DIS3L2: variants seen among roughly 807,000 people sequenced by gnomAD.
DIS3L2 encodes the protein DIS3-like exonuclease 2.
A neutral mutation model predicts 97.5 loss-of-function variants in DIS3L2; 34 were observed. That is an observed-to-expected ratio of 0.35 (90% CI 0.27 to 0.46). The LOEUF is 0.46. Ranked by LOEUF, DIS3L2 falls within the 20% of genes least tolerant of loss-of-function variation. The probability of loss-of-function intolerance (pLI) is 1.00; values close to 1 mark genes in which losing one functional copy is unlikely to be tolerated. For synonymous variants in DIS3L2, 435 were observed against 445.2 expected (o/e 0.98, Z 0.29); for missense variants, 1,038 against 1,146.0 (o/e 0.91, Z 1.36).
intron 6 of DIS3L2, among the ~76,000 whole-genome samples, chr2:232,106,297 C>T (rs1697356401): frequency 6.6e-6 from 1 of 152,168 alleles, no homozygotes; most frequent in African/African-American, 2.4e-5. Flanking sequence ...CTTAGTGGGG[C>T]ACTTTATGTT....
chr2:232,171,588 C>T (rs544765445), intron 9 of DIS3L2, among the ~76,000 whole-genome samples: 3 of 152,266 alleles, frequency 2.0e-5, no homozygotes, highest in African/African-American at 4.8e-5. Flanking sequence ...CTCAGTTCTT[C>T]GATGGCCAAG....
intron 1 of DIS3L2, among the ~76,000 whole-genome samples, chr2:231,983,613 A>G (rs113593932): frequency 0.018 from 2,788 of 152,260 alleles, 31 homozygotes; most frequent in Non-Finnish European, 0.021. Flanking sequence ...ATTGAGGGCC[A>G]GGCACAGTGG....
chr2:232,248,715 G>A (rs1190167643), intron 11 of DIS3L2, among the ~76,000 whole-genome samples: 1 of 152,148 alleles, frequency 6.6e-6, no homozygotes, highest in Non-Finnish European at 1.5e-5. Flanking sequence ...GATCCTTTCT[G>A]TTTTATCACT....
intron 5 of DIS3L2, among the ~76,000 whole-genome samples, chr2:232,085,855 G>A (rs1559611640): frequency 6.6e-6 from 1 of 152,024 alleles, no homozygotes; most frequent in Non-Finnish European, 1.5e-5. Flanking sequence ...CGCCCAGGCT[G>A]GAGTGCTGTG....
intron 5 of DIS3L2, among the ~76,000 whole-genome samples, chr2:232,058,950 A>G (rs1031491464): frequency 5.9e-5 from 9 of 152,206 alleles, no homozygotes; most frequent in Non-Finnish European, 1.2e-4. Context: ...AAATGGTTTT[A>G]TAACTTATGA....
In DIS3L2 at chr2:232,292,588, C is replaced by G. The variant is rs1694631381; in HGVS notation, c.1660-7452C>G. 6.6e-6 allele frequency among the ~76,000 whole-genome samples: 1 copy of G among 152,224 alleles called. No homozygotes were observed. Among genetic ancestry groups the G allele is most frequent in the South Asian group, 2.1e-4 (1 of 4,832 alleles). ...CTCACCCACGCGATTCTCTTAAGGC[C>G]AGTTTCCTGGGGGCCCCACCCTAGA... On this transcript the variant is annotated intron_variant, in intron 13 of 20. Transcript: ENST00000325385. This position sits in a 1 kb window ranked among gnomAD's most constrained non-coding sequence, Gnocchi z 4.4.
intron 5 of DIS3L2, among the ~76,000 whole-genome samples, chr2:232,074,460 A>T (rs951991891): frequency 6.6e-6 from 1 of 152,152 alleles, no homozygotes. Context: ...TCTATGTGCC[A>T]TGGATCATGG....
chr2:232,316,570 T>A (rs1695281816), intron 14 of DIS3L2, among the ~76,000 whole-genome samples: 1 of 152,138 alleles, frequency 6.6e-6, no homozygotes, highest in South Asian at 2.1e-4. Flanking sequence ...GTTAGGATTC[T>A]GTTCAATGGG....
At chr2:231,978,645 C>G (rs1483118520) in intron 1 of DIS3L2, 1 of 152,212 alleles carries the variant, frequency 6.6e-6, no homozygotes, top group African/African-American at 2.4e-5. Context: ...TCCATGCACT[C>G]CACCATCCTC....
In DIS3L2 at chr2:232,145,931, G is replaced by T. The variant is rs141252374; in HGVS notation, c.950+9212G>T. ...CCCCCCATCTATTGATAAGGAAGAGGCATACCTAAAGCACCATGACACAGC... is the reference window on the plus strand; with the variant it reads ...CCCCCCATCTATTGATAAGGAAGAGTCATACCTAAAGCACCATGACACAGC... On this transcript the variant is annotated intron_variant, in intron 8 of 20. Transcript: ENST00000325385. 1.3e-4 allele frequency among the ~76,000 whole-genome samples: 20 copies of T among 152,174 alleles called. No homozygotes were observed. In the East Asian group the frequency reaches 2.9e-3, roughly 22 times the overall value.
chr2:232,043,080 G>C (rs1695152311), intron 5 of DIS3L2, among the ~76,000 whole-genome samples: 1 of 152,218 alleles, frequency 6.6e-6, no homozygotes, highest in South Asian at 2.1e-4. Flanking sequence ...GTTTCTTTGA[G>C]TCATCTGCAC....
At chr2:232,237,780 A>C (rs1559169066) in intron 10 of DIS3L2, among the ~76,000 whole-genome samples, 1 of 152,108 alleles carries the variant, frequency 6.6e-6, no homozygotes, top group Admixed American at 6.5e-5. Context: ...ATTCTCTTTC[A>C]GTTGACCCAA....
chr2:231,979,127 TAAG>T lies in DIS3L2; in HGVS notation c.-94+17367_-94+17369del, dbSNP rs558104360. Among the ~76,000 whole-genome samples the T allele has an allele frequency of 5.1e-4, 78 of 152,248 alleles. 1 individual carries two copies. In the East Asian group the frequency reaches 0.012, roughly 23 times the overall value. On this transcript the variant is annotated intron_variant, in intron 1 of 20. Coordinates refer to ENST00000325385, the MANE Select transcript of DIS3L2 (RefSeq NM_152383.5). ...TGACATCTGTATTTTGCGTCTTAAC[TAAG>T]AAGACTTTCTTTACTCCTAGGTTTT...
intron 11 of DIS3L2, among the ~76,000 whole-genome samples, chr2:232,247,631 GGGGGC>G (rs1693295483): frequency 3.0e-5 from 2 of 67,614 alleles, no homozygotes; most frequent in Admixed American, 1.2e-4. Flanking sequence ...GGGGGGGGGG[GGGGGC>G]GGGGGGGAGG....
chr2:232,340,696 G>A (rs1559224270), downstream of DIS3L2: 1 of 469,362 alleles, frequency 2.1e-6, no homozygotes, highest in Non-Finnish European at 4.4e-6. Flanking sequence ...GACTGGCAAA[G>A]CTCTCAGTTC....
In DIS3L2 at chr2:232,325,215, G is replaced by C. The variant is rs925837713; in HGVS notation, c.1740-4598G>C. 1.3e-5 allele frequency among the ~76,000 whole-genome samples: 2 copies of C among 152,244 alleles called. No individual in the cohort carries two copies. The highest frequency in any genetic ancestry group is 4.8e-5 in the African/African-American group (2 of 41,466). On this transcript the variant is annotated intron_variant, in intron 14 of 20. Coordinates refer to ENST00000325385, the MANE Select transcript of DIS3L2 (RefSeq NM_152383.5). This position sits in a 1 kb window ranked among gnomAD's most constrained non-coding sequence, Gnocchi z 4.6. ...AGGTCCCACCTGAGCCAGCAGGAAT[G>C]CGGCACCCAGTGGCTGGCTCTGCAG... is the stretch of plus-strand genomic sequence containing the variant.
rs564131308 is a variant in DIS3L2 at position 232,334,281 on chromosome 2, G to A, written c.2159-88G>A. 110 of 1,480,960 alleles carry A rather than the reference G, an allele frequency of 7.4e-5. No homozygotes were observed. In the South Asian group the frequency reaches 1.3e-3, roughly 17 times the overall value. The allele number at this position is 1,480,960 out of a possible 1,614,324, so 91.7% of individuals were successfully genotyped here. A position where few individuals can be genotyped will look rare whatever the true frequency, so the allele number is the denominator to read the frequency against. Reference sequence around the variant, plus strand: ...GCTTGGGGTCCTAATCTGTCGGCGGGGGTGCAGCGCCATGCAGCCCATCCC... The same window carrying A: ...GCTTGGGGTCCTAATCTGTCGGCGGAGGTGCAGCGCCATGCAGCCCATCCC... On this transcript the variant is annotated intron_variant, in intron 17 of 20. Transcript: ENST00000325385.
chr2:232,333,816 G>A lies in DIS3L2; in HGVS notation c.2011-24G>A, dbSNP rs376965635. ...GGCTGGGCAGCTCTGGGCTTGTCAGGCTCTGACCCATCCCGTCCCGCAGAT... is the reference window on the plus strand; with the variant it reads ...GGCTGGGCAGCTCTGGGCTTGTCAGACTCTGACCCATCCCGTCCCGCAGAT... On this transcript the variant is annotated intron_variant, in intron 16 of 20. Coordinates refer to ENST00000325385, the MANE Select transcript of DIS3L2 (RefSeq NM_152383.5). 2.2e-5 allele frequency: 35 copies of A among 1,598,310 alleles called. No individual in the cohort carries two copies. The Admixed American group carries it at 3.0e-4, about 14-fold the overall frequency.
At chr2:232,265,135 C>T (rs1693820323) in intron 13 of DIS3L2, among the ~76,000 whole-genome samples, 1 of 152,214 alleles carries the variant, frequency 6.6e-6, no homozygotes, top group Non-Finnish European at 1.5e-5. Flanking sequence ...AGTCCCAGGA[C>T]ACTTTACAGT....
Sources: gnomAD v4.1 joint callset for allele counts (sites outside exome capture counted in the v4.1 genomes callset) on GRCh38, gnomAD v4.1.1 for gene constraint, Gnocchi (gnomAD v3.1) non-coding constraint, MANE v1.5 for transcripts, NCBI Gene and HGNC (gene_info 2026-07-23, HGNC 2026-07-21) for gene names.